Variants in OPCML observed in about 807,000 individuals in gnomAD.
OPCML encodes opioid binding protein/cell adhesion molecule like.
A neutral mutation model predicts 37.8 loss-of-function variants in OPCML; 13 were observed. That is an observed-to-expected ratio of 0.34 (90% CI 0.22 to 0.55). The LOEUF is 0.55. Ranked by LOEUF, OPCML falls within the 20% of genes least tolerant of loss-of-function variation. OPCML has a pLI of 0.91. For missense variants in OPCML, 341 were observed against 435.6 expected, an observed-to-expected ratio of 0.78 and a Z score of 1.93; for synonymous variants, 176 against 168.8, an observed-to-expected ratio of 1.04 and a Z score of -0.33.
intron 1 of OPCML, among the ~76,000 whole-genome samples, chr11:133,102,361 AG>A (rs1256871748): frequency 6.6e-6 from 1 of 152,200 alleles, no homozygotes; most frequent in African/African-American, 2.4e-5. Context: ...TCTGGAAAAA[AG>A]ATCTAAACAA....
At chr11:132,766,540 GA>G (rs1385991426) in intron 2 of OPCML, among the ~76,000 whole-genome samples, 17 of 152,274 alleles carry the variant, frequency 1.1e-4, no homozygotes, top group African/African-American at 3.9e-4. Flanking sequence ...TCACATAGTA[GA>G]AGGGGCAGAA....
At chr11:133,067,650 C>G (rs1197298279) in intron 1 of OPCML, 1 of 152,214 alleles carries the variant, frequency 6.6e-6, no homozygotes, top group African/African-American at 2.4e-5. Context: ...AAAACACTTC[C>G]TGATGCCCAA....
At chr11:132,749,213 G>A (rs911102665) in intron 2 of OPCML, among the ~76,000 whole-genome samples, 34 of 152,184 alleles carry the variant, frequency 2.2e-4, no homozygotes, top group African/African-American at 7.7e-4. Flanking sequence ...CACCCTGATA[G>A]TGGACTTCCA....
intron 2 of OPCML, among the ~76,000 whole-genome samples, chr11:132,686,649 G>A (rs987927733): frequency 1.3e-5 from 2 of 152,118 alleles, no homozygotes; most frequent in African/African-American, 2.4e-5. Context: ...ACTTCTATAG[G>A]AGCATCTCCT....
chr11:133,476,110 A>G (rs1947232068), intron 1 of OPCML, among the ~76,000 whole-genome samples: 1 of 152,248 alleles, frequency 6.6e-6, no homozygotes, highest in Admixed American at 6.5e-5. Context: ...GACCTGGCAA[A>G]GTAAACAGGA....
At chr11:132,610,583 G>A (rs1443529578) in intron 3 of OPCML, among the ~76,000 whole-genome samples, 8 of 152,154 alleles carry the variant, frequency 5.3e-5, no homozygotes, top group East Asian at 3.9e-4. Flanking sequence ...AATCGTTGCC[G>A]CTGAAGACTG....
chr11:132,514,814 A>C (rs978292647), intron 4 of OPCML, among the ~76,000 whole-genome samples: 1 of 152,124 alleles, frequency 6.6e-6, no homozygotes, highest in African/African-American at 2.4e-5. Flanking sequence ...GTAGGGTTCC[A>C]AACATCTTGC....
chr11:133,050,695 G>C lies in OPCML; in HGVS notation c.62-107685C>G, dbSNP rs373459886. 1.6e-4 allele frequency among the ~76,000 whole-genome samples: 23 copies of C among 147,456 alleles called. No individual in the cohort carries two copies. In the East Asian group the frequency reaches 2.2e-3, roughly 14 times the overall value. On this transcript the variant is annotated intron_variant, in intron 1 of 7. Transcript: ENST00000524381. Reference sequence around the variant, plus strand: ...TCACATTGCAGTGTAAAACTAAATGGTCTACCAGTTTCTTCTTCTTCTTCC... The same window carrying C: ...TCACATTGCAGTGTAAAACTAAATGCTCTACCAGTTTCTTCTTCTTCTTCC...
intron 1 of OPCML, among the ~76,000 whole-genome samples, chr11:133,108,750 A>G (rs1343709617): frequency 1.3e-5 from 2 of 152,196 alleles, no homozygotes; most frequent in Admixed American, 6.5e-5. Flanking sequence ...TCCATATTTA[A>G]TTAATCTTTT....
rs1403552640 is a variant in OPCML, at chr11:133,173,626, A to G, written c.62-230616T>C. On this transcript the variant is annotated intron_variant, in intron 1 of 7. Coordinates refer to ENST00000524381, the MANE Select transcript of OPCML (RefSeq NM_001012393.5). The surrounding 1 kb of genome is among the most constrained non-coding windows in gnomAD (Gnocchi z 7.8). ...CCCCCCAGATGCCTCTCATTGCAAA[A>G]ATTAGCAGTAACGCGATGAGGCTAA... Among the ~76,000 whole-genome samples the G allele has an allele frequency of 6.6e-6, 1 of 152,160 alleles. No individual in the cohort carries two copies. The highest frequency in any genetic ancestry group is 1.5e-5 in the Non-Finnish European group (1 of 68,026).
intron 1 of OPCML, among the ~76,000 whole-genome samples, chr11:133,490,629 C>G (rs1054044420): frequency 1.3e-5 from 2 of 152,178 alleles, no homozygotes; most frequent in Non-Finnish European, 2.9e-5. Flanking sequence ...TGAGACCATG[C>G]CACTCCTCTG....
intron 1 of OPCML, among the ~76,000 whole-genome samples, chr11:133,200,058 G>A (rs943092830): frequency 2.0e-5 from 3 of 152,116 alleles, no homozygotes; most frequent in Non-Finnish European, 4.4e-5. Context: ...AAATAGTTCT[G>A]CATTGCTCAA....
At chr11:133,245,054 T>C (rs1173877448) in intron 1 of OPCML, among the ~76,000 whole-genome samples, 2 of 152,186 alleles carry the variant, frequency 1.3e-5, no homozygotes, top group Non-Finnish European at 2.9e-5. Flanking sequence ...ATCTTCCTCA[T>C]GATTTCCCTG....
intron 1 of OPCML, among the ~76,000 whole-genome samples, chr11:133,303,384 C>G (rs1178965871): frequency 6.6e-6 from 1 of 152,162 alleles, no homozygotes; most frequent in African/African-American, 2.4e-5. Flanking sequence ...TGCCTTATCA[C>G]TTGCTTTCTA....
At chr11:132,839,948 C>G (rs1321650214) in intron 2 of OPCML, among the ~76,000 whole-genome samples, 2 of 152,086 alleles carry the variant, frequency 1.3e-5, no homozygotes. Context: ...TTGTAAATAG[C>G]CATTTGTGAT....
intron 3 of OPCML, among the ~76,000 whole-genome samples, chr11:132,643,109 T>C (rs1940952305): frequency 6.6e-6 from 1 of 151,238 alleles, no homozygotes; most frequent in Non-Finnish European, 1.5e-5. Context: ...TCCTACCCTG[T>C]CTCTACTAAA....
At chr11:132,723,748 G>T (rs886078333) in intron 2 of OPCML, among the ~76,000 whole-genome samples, 2 of 152,242 alleles carry the variant, frequency 1.3e-5, no homozygotes, top group African/African-American at 2.4e-5. Flanking sequence ...CATGTGAAGA[G>T]AAATCACATA....
At position 133,211,074 on chromosome 11, in the gene OPCML, T is replaced by C. The variant is rs1939336892; in HGVS notation, c.62-268064A>G. On this transcript the variant is annotated intron_variant, in intron 1 of 7. Coordinates refer to ENST00000524381, the MANE Select transcript of OPCML (RefSeq NM_001012393.5). The surrounding 1 kb of genome is among the most constrained non-coding windows in gnomAD (Gnocchi z 4.1). ...TAACCACCTAGTAATAGAAATGAAA[T>C]GAGGCATCATTCAAAACAGAGGCTT... Among the ~76,000 whole-genome samples, 1 of 152,178 alleles carries C rather than the reference T, an allele frequency of 6.6e-6. No individual in the cohort carries two copies.
At chr11:133,140,533 A>ATAATAAGAAGAG (rs1949759938) in intron 1 of OPCML, among the ~76,000 whole-genome samples, 1 of 86,982 alleles carries the variant, frequency 1.1e-5, no homozygotes, top group Non-Finnish European at 2.2e-5. Flanking sequence ...AATAATAATA[A>ATAATAAGAAGAG]GAAGAAGAAG....
Sources: gnomAD v4.1 joint callset for allele counts (sites outside exome capture counted in the v4.1 genomes callset) on GRCh38, gnomAD v4.1.1 for gene constraint, Gnocchi (gnomAD v3.1) non-coding constraint, MANE v1.5 for transcripts, NCBI Gene and HGNC (gene_info 2026-07-23, HGNC 2026-07-21) for gene names.